The following NRXN1 variants were observed in gnomAD, a reference collection of about 807,000 sequenced individuals.
The protein encoded by NRXN1 is neurexin 1, also known as neurexin-1.
In NRXN1, 39 loss-of-function variants were observed where a neutral mutation model predicts 150.9. That is an observed-to-expected ratio of 0.26 (90% CI 0.20 to 0.34). The LOEUF (loss-of-function observed/expected upper bound fraction) is 0.34. Ranked by LOEUF, NRXN1 falls within the 10% of genes least tolerant of loss-of-function variation. NRXN1 has a pLI of 1.00. For missense variants in NRXN1, 1,815 were observed against 1,949.9 expected, an observed-to-expected ratio of 0.93 and a Z score of 1.30; for synonymous variants, 924 against 757.0, an observed-to-expected ratio of 1.22 and a Z score of -3.62.
intron 5 of NRXN1, among the ~76,000 whole-genome samples, chr2:50,873,002 A>G (rs532680156): frequency 6.6e-6 from 1 of 151,154 alleles, no homozygotes; most frequent in East Asian, 2.0e-4. Context: ...CCCTGTCTCT[A>G]AAAAAGAAAA....
At chr2:50,900,349 G>T (rs562213667) in intron 5 of NRXN1, among the ~76,000 whole-genome samples, 1 of 152,260 alleles carries the variant, frequency 6.6e-6, no homozygotes, top group Non-Finnish European at 1.5e-5. Context: ...GTATCTGGGA[G>T]TTCACCCTTT....
At chr2:50,882,100 A>G (rs1325014419) in intron 5 of NRXN1, among the ~76,000 whole-genome samples, 1 of 151,902 alleles carries the variant, frequency 6.6e-6, no homozygotes, top group African/African-American at 2.4e-5. Flanking sequence ...TGTTTTCATG[A>G]AAAATGACTT....
chr2:50,953,353 T>C (rs1225808584), intron 2 of NRXN1, among the ~76,000 whole-genome samples: 4 of 152,168 alleles, frequency 2.6e-5, no homozygotes, highest in African/African-American at 9.7e-5. Context: ...ATATAGTAGT[T>C]AAGTCAATAA....
intron 13 of NRXN1, among the ~76,000 whole-genome samples, chr2:50,505,101 T>C (rs1313978953): frequency 6.6e-6 from 1 of 152,170 alleles, no homozygotes; most frequent in Non-Finnish European, 1.5e-5. Context: ...TTTATATGTA[T>C]GTATGTATTT....
At chr2:50,529,770 ATT>A (rs1352723314) in intron 11 of NRXN1, among the ~76,000 whole-genome samples, 1 of 152,146 alleles carries the variant, frequency 6.6e-6, no homozygotes, top group Non-Finnish European at 1.5e-5. Flanking sequence ...CAATTAGGCG[ATT>A]TGTTTTGATT....
chr2:50,570,014 G>A (rs1283708703), intron 8 of NRXN1, among the ~76,000 whole-genome samples: 1 of 152,098 alleles, frequency 6.6e-6, no homozygotes. Flanking sequence ...AATTAACGCT[G>A]CTCATATACA....
rs545228941 is a variant in NRXN1, at chr2:50,549,948, A to G, written c.1759+2639T>C. Among the ~76,000 whole-genome samples the G allele has an allele frequency of 4.6e-5, 7 of 152,320 alleles. No individual in the cohort carries two copies. The South Asian group carries it at 1.4e-3, about 32-fold the overall frequency. ...CATATACATGTAGAGAGAGACATGC[A>G]CACATATATAGACACACACACAATT... On this transcript the variant is annotated intron_variant, in intron 9 of 22. Transcript: ENST00000401669.
intron 5 of NRXN1, among the ~76,000 whole-genome samples, chr2:50,861,770 C>T (rs559154083): frequency 2.0e-5 from 3 of 152,042 alleles, no homozygotes; most frequent in African/African-American, 7.2e-5. Flanking sequence ...TATTTTTTTC[C>T]TACTGTTTGT....
chr2:50,931,140 A>G (rs1687679851), intron 2 of NRXN1, among the ~76,000 whole-genome samples: 1 of 152,160 alleles, frequency 6.6e-6, no homozygotes, highest in African/African-American at 2.4e-5. Context: ...CATTAAGATG[A>G]AAAGTAGGTG....
At chr2:50,890,627 T>A (rs1478833183) in intron 5 of NRXN1, among the ~76,000 whole-genome samples, 2 of 151,904 alleles carry the variant, frequency 1.3e-5, no homozygotes, top group Admixed American at 1.3e-4. Flanking sequence ...ACGTTAAGTA[T>A]GAATGTGATT....
Position 51,024,091 on chromosome 2 carries a change from G to A in NRXN1, c.772+3411C>T, listed in dbSNP as rs138121422. Among the ~76,000 whole-genome samples, 163 of 152,242 alleles carry A rather than the reference G, an allele frequency of 1.1e-3. 1 individual carries two copies. The highest frequency in any genetic ancestry group is 1.9e-3 in the Non-Finnish European group (127 of 68,006). On this transcript the variant is annotated intron_variant, in intron 2 of 22. Coordinates refer to ENST00000401669, the MANE Select transcript of NRXN1 (RefSeq NM_001330078.2). ...CCTTGTTATTCTTGTTTTTAAACTG[G>A]ATAGCTATGAAATTCACTAATTCTT...
chr2:49,971,321 G>T (rs1455317577), intron 21 of NRXN1, among the ~76,000 whole-genome samples: 1 of 152,112 alleles, frequency 6.6e-6, no homozygotes, highest in Non-Finnish European at 1.5e-5. Context: ...ACAGACAGTA[G>T]CATTTCATCC....
intron 5 of NRXN1, among the ~76,000 whole-genome samples, chr2:50,725,073 C>T (rs1697169614): frequency 6.6e-6 from 1 of 151,156 alleles, no homozygotes. Flanking sequence ...TGGATTTGCA[C>T]ATTCAGATTT....
intron 21 of NRXN1, among the ~76,000 whole-genome samples, chr2:49,953,967 T>A (rs963845849): frequency 6.6e-6 from 1 of 152,004 alleles, no homozygotes; most frequent in African/African-American, 2.4e-5. Context: ...GGCACATGTA[T>A]ACCTATGTAA....
chr2:50,675,072 C>T (rs1443393791), intron 5 of NRXN1, among the ~76,000 whole-genome samples: 1 of 151,986 alleles, frequency 6.6e-6, no homozygotes, highest in South Asian at 2.1e-4. Flanking sequence ...CACCATGTGG[C>T]ACACTGGCTC....
chr2:50,919,800 T>G (rs1163961993), intron 5 of NRXN1: 3 of 158,340 alleles, frequency 1.9e-5, no homozygotes, highest in Non-Finnish European at 4.3e-5. Context: ...GTGGGGATAT[T>G]CACATAAGAC....
chr2:50,420,016 T>G (rs1179134236), intron 17 of NRXN1, among the ~76,000 whole-genome samples: 1 of 151,864 alleles, frequency 6.6e-6, no homozygotes, highest in Non-Finnish European at 1.5e-5. Context: ...TTAAAGAGAA[T>G]GAGACAGCAG....
chr2:50,624,892 C>A (rs1437240376), intron 5 of NRXN1: 1 of 152,030 alleles, frequency 6.6e-6, no homozygotes, highest in Non-Finnish European at 1.5e-5. Flanking sequence ...ACAGTCTTCT[C>A]CCACTGATGA....
At chr2:50,295,328 C>T (rs750036308) in intron 17 of NRXN1, among the ~76,000 whole-genome samples, 1 of 152,098 alleles carries the variant, frequency 6.6e-6, no homozygotes, top group African/African-American at 2.4e-5. Context: ...AAATCTATCC[C>T]AAGTCCTACA....
Sources: allele counts gnomAD v4.1 joint callset (sites outside exome capture counted in the v4.1 genomes callset), GRCh38; gene constraint gnomAD v4.1.1; transcripts MANE v1.5; gene names NCBI Gene and HGNC (gene_info 2026-07-23, HGNC 2026-07-21).